LRCH2: variants seen among roughly 807,000 people sequenced by gnomAD.
LRCH2 encodes the protein leucine rich repeats and calponin homology domain containing 2.
A neutral mutation model predicts 68.9 loss-of-function variants in LRCH2; 38 were observed. That is an observed-to-expected ratio of 0.55 (90% confidence interval 0.43 to 0.72). The LOEUF (loss-of-function observed/expected upper bound fraction) is 0.72. LRCH2 is among the 30% of genes least tolerant of loss of function. The pLI, the probability that LRCH2 is intolerant of heterozygous loss-of-function variation, is 0.00. For synonymous variants in LRCH2, 191 were observed against 208.1 expected, an observed-to-expected ratio of 0.92 and a Z score of 0.71; for missense variants, 528 against 572.9, an observed-to-expected ratio of 0.92 and a Z score of 0.80.
intron 5 of LRCH2, among the ~76,000 whole-genome samples, chrX:115,177,337 C>G (rs1301476366): frequency 9.0e-6 from 1 of 110,893 alleles, no homozygotes; most frequent in Admixed American, 9.7e-5. Flanking sequence ...GGTGATCAGA[C>G]ACAGACTAGC....
intron 11 of LRCH2, 130 bp downstream of exon 11, chrX:115,163,546 A>T: frequency 2.5e-6 from 1 of 405,888 alleles, no homozygotes; most frequent in Non-Finnish European, 4.1e-6. Flanking sequence ...ATCTGTAGTT[A>T]GTCCCTTGAG....
chrX:115,194,086 A>G (rs1240087177), intron 1 of LRCH2, among the ~76,000 whole-genome samples: 2 of 110,958 alleles, frequency 1.8e-5, no homozygotes, highest in Non-Finnish European at 3.8e-5. Flanking sequence ...GCAATATAGT[A>G]AATTCCTTAT....
intron 7 of LRCH2, 87 bp from the exon 8 acceptor site, chrX:115,166,039 G>A (rs782033204): frequency 1.0e-4 from 76 of 741,093 alleles, no homozygotes; most frequent in Non-Finnish European, 1.5e-4. Flanking sequence ...ATGAATTACA[G>A]AATGTCTGCT....
At chrX:115,183,588 G>A (rs1369685621) in intron 3 of LRCH2, among the ~76,000 whole-genome samples, 2 of 110,766 alleles carry the variant, frequency 1.8e-5, no homozygotes, top group Non-Finnish European at 1.9e-5. Context: ...CCAACGACTT[G>A]GGAGGCTGAG....
intron 1 of LRCH2, chrX:115,190,206 G>A (rs782413916): frequency 2.9e-5 from 34 of 1,165,192 alleles, no homozygotes; most frequent in African/African-American, 8.9e-5. Context: ...TTGTCCCTGC[G>A]CTCAGAGACT....
intron 1 of LRCH2, among the ~76,000 whole-genome samples, chrX:115,189,168 A>G (rs1383798426): frequency 8.9e-6 from 1 of 112,184 alleles, no homozygotes; most frequent in Non-Finnish European, 1.9e-5. Flanking sequence ...ATATGTCTGG[A>G]AAGATTATTT....
chrX:115,159,116 G>A (rs1230199641), intron 11 of LRCH2, among the ~76,000 whole-genome samples: 1 of 110,619 alleles, frequency 9.0e-6, no homozygotes, highest in Non-Finnish European at 1.9e-5. Context: ...GCTCCCTTTT[G>A]TCAATTTTAT....
intron 11 of LRCH2, among the ~76,000 whole-genome samples, chrX:115,157,037 C>T (rs1227280899): frequency 9.0e-6 from 1 of 111,042 alleles, no homozygotes; most frequent in African/African-American, 3.3e-5. Context: ...TTATGTAATA[C>T]ATAGTTATTT....
intron 2 of LRCH2, among the ~76,000 whole-genome samples, chrX:115,187,102 G>A (rs1460549026): frequency 8.9e-6 from 1 of 111,862 alleles, no homozygotes; most frequent in Admixed American, 9.5e-5. Context: ...ACAGGCGTGA[G>A]CCACCGCACC....
chrX:115,144,167 T>C (rs897266433), intron 14 of LRCH2, among the ~76,000 whole-genome samples: 1 of 111,631 alleles, frequency 9.0e-6, no homozygotes, highest in South Asian at 3.8e-4. Context: ...TCTGCCACCA[T>C]GTAAGACGTG....
chrX:115,233,581 C>T lies in LRCH2; in HGVS notation c.349+112G>A, dbSNP rs1367450919. 7 of 791,722 alleles carry T rather than the reference C, an allele frequency of 8.8e-6. No individual in the cohort carries two copies. The East Asian group carries it at 1.4e-4, about 16-fold the overall frequency. 65.2% of individuals were successfully genotyped at this position (791,722 alleles called of 1,213,427 possible). ...GGCTGCCCCGACTTTGTTAGTCTGG[C>T]GGTCCCCGCGCACCCGCCCAGACCC... On this transcript the variant is annotated intron_variant, in intron 1 of 20. Coordinates refer to ENST00000317135, the MANE Select transcript of LRCH2 (RefSeq NM_020871.4).
chrX:115,146,614 C>T (rs1211142733), intron 14 of LRCH2, among the ~76,000 whole-genome samples: 1 of 109,846 alleles, frequency 9.1e-6, no homozygotes, highest in African/African-American at 3.3e-5. Context: ...TTCCTGGCAT[C>T]ATGAAGTTCC....
intron 14 of LRCH2, among the ~76,000 whole-genome samples, chrX:115,132,807 T>C (rs2072257589): frequency 8.9e-6 from 1 of 111,973 alleles, no homozygotes; most frequent in Non-Finnish European, 1.9e-5. Context: ...TTAATCTATG[T>C]CAATGAAACA....
chrX:115,149,920 TTGATCC>T lies in LRCH2; in HGVS notation c.1596_1601del (p.Asp533_Gln534del), dbSNP rs781822435. 9.2e-6 allele frequency: 11 copies of T among 1,198,166 alleles called. No individual in the cohort carries two copies. In the East Asian group the frequency reaches 3.0e-4, roughly 32 times the overall value. Reference sequence around the variant, plus strand: ...ATTCTGGCCACGGTTGTTCATCTATTTGATCCTTCTGATTTTCTAAGGGCTATAATG... The same window carrying T: ...ATTCTGGCCACGGTTGTTCATCTATTTTCTGATTTTCTAAGGGCTATAATG... On this transcript the variant is annotated inframe_deletion, in exon 14 of 21. Transcript: ENST00000317135.
intron 2 of LRCH2, among the ~76,000 whole-genome samples, chrX:115,185,457 A>G (rs1556554097): frequency 1.8e-5 from 2 of 111,990 alleles, no homozygotes; most frequent in African/African-American, 6.5e-5. Flanking sequence ...GACTGACCCA[A>G]AGGAACCACT....
At chrX:115,160,295 A>C (rs1556541104) in intron 11 of LRCH2, among the ~76,000 whole-genome samples, 1 of 111,358 alleles carries the variant, frequency 9.0e-6, no homozygotes, top group Non-Finnish European at 1.9e-5. Context: ...CAGCCTGGGC[A>C]ACAGAGTGAG....
At chrX:115,190,065 G>T in intron 1 of LRCH2, 1 of 1,155,099 alleles carries the variant, frequency 8.7e-7, no homozygotes, top group South Asian at 1.9e-5. Context: ...AGAGGGCTGT[G>T]CCCCGGTCAA....
chrX:115,122,682 T>G, intron 19 of LRCH2, 78 bp from the exon 20 acceptor site: 1 of 1,167,083 alleles, frequency 8.6e-7, no homozygotes, highest in Non-Finnish European at 1.2e-6. Context: ...CTAAGTTCAC[T>G]GAGGTATATT....
chrX:115,131,361 T>C (rs1050447245), intron 14 of LRCH2, among the ~76,000 whole-genome samples: 8 of 109,000 alleles, frequency 7.3e-5, no homozygotes, highest in Middle Eastern at 4.7e-3. Context: ...CGGTGTTTGG[T>C]TTTCTGTCCT....
Sources: gnomAD v4.1 joint callset for allele counts (sites outside exome capture counted in the v4.1 genomes callset) on GRCh38, gnomAD v4.1.1 for gene constraint, MANE v1.5 for transcripts, NCBI Gene and HGNC (gene_info 2026-07-23, HGNC 2026-07-21) for gene names.